ADGRD1: variants seen among roughly 807,000 people sequenced by gnomAD.
The protein encoded by ADGRD1 is adhesion G protein-coupled receptor D1.
ADGRD1 carries 77 observed loss-of-function variants against 113.4 expected under a neutral mutation model. The ratio of observed to expected loss-of-function variants is 0.68; its 90% confidence interval spans 0.57 to 0.82. The LOEUF (loss-of-function observed/expected upper bound fraction) is 0.82, where lower values mean the gene tolerates loss of function less well. Ranked by LOEUF, ADGRD1 falls within the 40% of genes least tolerant of loss-of-function variation. The pLI is 0.00. For missense variants in ADGRD1, 1,036 were observed against 1,139.1 expected (o/e 0.91, Z 1.30); for synonymous variants, 474 against 475.0 (o/e 1.00, Z 0.03).
At chr12:131,109,074 C>T (rs1463529361) in intron 18 of ADGRD1, among the ~76,000 whole-genome samples, 197 bp downstream of exon 18, 1 of 152,152 alleles carries the variant, frequency 6.6e-6, no homozygotes, top group African/African-American at 2.4e-5. Flanking sequence ...TATTATCCTT[C>T]TTGGTGCCTC....
chr12:131,054,677 C>A (rs529410527), intron 13 of ADGRD1, among the ~76,000 whole-genome samples: 3 of 152,188 alleles, frequency 2.0e-5, no homozygotes, highest in Admixed American at 1.3e-4. Context: ...GCTGAGAACT[C>A]GAGGGGCCCT....
chr12:131,081,007 T>A (rs1261168164), intron 14 of ADGRD1, among the ~76,000 whole-genome samples: 1 of 152,242 alleles, frequency 6.6e-6, no homozygotes, highest in African/African-American at 2.4e-5. Context: ...CTTGGAAGAT[T>A]AGCCCTTTTA....
In ADGRD1 at chr12:130,971,887, C is replaced by A. The variant is rs11061268; in HGVS notation, c.310+307C>A. On this transcript the variant is annotated intron_variant, in intron 4 of 24. Coordinates refer to ENST00000261654, the MANE Select transcript of ADGRD1 (RefSeq NM_198827.5). The surrounding 1 kb of genome is among the most constrained non-coding windows in gnomAD (Gnocchi z 4.2). ...AGACACAGCGATGTCACAGTGGGGA[C>A]TGGACAGGGCCGTGGCGTTTGTGGG... 1.3e-5 allele frequency among the ~76,000 whole-genome samples: 2 copies of A among 152,072 alleles called. No individual in the cohort carries two copies. Among genetic ancestry groups the A allele is most frequent in the South Asian group, 4.1e-4 (2 of 4,822 alleles).
rs540562495 is a variant in ADGRD1 at position 131,138,085 on chromosome 12, C to T, written c.2437-52C>T. The T allele has an allele frequency of 2.5e-4, 360 of 1,451,732 alleles. 1 individual carries two copies. The African/African-American group carries it at 3.3e-3, about 13-fold the overall frequency. The allele number at this position is 1,451,732 out of a possible 1,614,324, so 89.9% of individuals were successfully genotyped here. A position where few individuals can be genotyped will look rare whatever the true frequency, so the allele number is the denominator to read the frequency against. On this transcript the variant is annotated intron_variant, in intron 23 of 24. Transcript: ENST00000261654. Reference sequence around the variant, plus strand: ...GCACCGGCACAGACTCCTCTGGTTACGGCTGTTGCAGCCTCTGAAATTGCT... The same window carrying T: ...GCACCGGCACAGACTCCTCTGGTTATGGCTGTTGCAGCCTCTGAAATTGCT...
rs185247763 is a variant in ADGRD1 at position 131,096,657 on chromosome 12, T to C, written c.1672-8174T>C. Among the ~76,000 whole-genome samples the C allele has an allele frequency of 1.3e-3, 202 of 152,020 alleles. No homozygotes were observed. The highest frequency in any genetic ancestry group is 4.8e-3 in the African/African-American group (198 of 41,474). On this transcript the variant is annotated intron_variant, in intron 15 of 24. Coordinates refer to ENST00000261654, the MANE Select transcript of ADGRD1 (RefSeq NM_198827.5). This position sits in a 1 kb window ranked among gnomAD's most constrained non-coding sequence, Gnocchi z 5.2. ...TACATCCCGCCTCCATCTGTGAGGA[T>C]GGGTTCCCGTGGGGCACTGCCGGTC...
At chr12:131,132,446 A>T (rs1257379164) in intron 21 of ADGRD1, among the ~76,000 whole-genome samples, 1 of 152,216 alleles carries the variant, frequency 6.6e-6, no homozygotes, top group Non-Finnish European at 1.5e-5. Flanking sequence ...CCTAAGCAGA[A>T]GGGGGACTCA....
intron 21 of ADGRD1, among the ~76,000 whole-genome samples, chr12:131,133,702 G>A (rs1400281791): frequency 2.0e-5 from 3 of 152,208 alleles, no homozygotes; most frequent in Non-Finnish European, 4.4e-5. Flanking sequence ...GGGCGGCCAG[G>A]TCTGCCCCTC....
At chr12:131,021,555 A>G (rs1015842382) in intron 13 of ADGRD1, among the ~76,000 whole-genome samples, 2 of 152,062 alleles carry the variant, frequency 1.3e-5, no homozygotes, top group African/African-American at 4.8e-5. Flanking sequence ...AGCGAGAGAC[A>G]TTTATTTTCT....
At chr12:131,095,659 C>T (rs1241686113) in intron 15 of ADGRD1, among the ~76,000 whole-genome samples, 2 of 152,272 alleles carry the variant, frequency 1.3e-5, no homozygotes, top group Admixed American at 6.5e-5. Flanking sequence ...GGGATCGGGT[C>T]GCTTTGCGGG....
chr12:130,954,739 C>A lies in ADGRD1; in HGVS notation c.103+79C>A. 3 of 1,370,682 alleles carry A rather than the reference C, an allele frequency of 2.2e-6. No homozygotes were observed. The highest frequency in any genetic ancestry group is 2.3e-5 in the South Asian group (2 of 85,726). The allele number at this position is 1,370,682 out of a possible 1,614,324, so 84.9% of individuals were successfully genotyped here. A position where few individuals can be genotyped will look rare whatever the true frequency, so the allele number is the denominator to read the frequency against. On this transcript the variant is annotated intron_variant, in intron 2 of 24. Coordinates refer to ENST00000261654, the MANE Select transcript of ADGRD1 (RefSeq NM_198827.5). This position sits in a 1 kb window ranked among gnomAD's most constrained non-coding sequence, Gnocchi z 4.7. ...GTATCTCAGGAACAGCCCACTTGTTCATCTCTGAGGCATCAGCGAATGGCC... is the reference window on the plus strand; with the variant it reads ...GTATCTCAGGAACAGCCCACTTGTTAATCTCTGAGGCATCAGCGAATGGCC...
intron 13 of ADGRD1, among the ~76,000 whole-genome samples, chr12:131,049,273 C>G (rs1883146710): frequency 6.6e-6 from 1 of 152,220 alleles, no homozygotes; most frequent in South Asian, 2.1e-4. Flanking sequence ...ATGGTGGGAC[C>G]TGGCCTTGGG....
chr12:131,081,354 A>G (rs11061316), intron 14 of ADGRD1, among the ~76,000 whole-genome samples: 43,732 of 152,108 alleles, frequency 0.29, 6,957 homozygotes, highest in South Asian at 0.48. Context: ...TCTTTTTAAA[A>G]TGTTGTCTTT....
chr12:131,036,277 G>A (rs1312489262), intron 13 of ADGRD1, among the ~76,000 whole-genome samples: 1 of 151,494 alleles, frequency 6.6e-6, no homozygotes, highest in Non-Finnish European at 1.5e-5. Flanking sequence ...ACTGCACTGG[G>A]TCTCACTCAC....
intron 13 of ADGRD1, among the ~76,000 whole-genome samples, chr12:131,037,413 T>C (rs1175102757): frequency 7.2e-6 from 1 of 138,634 alleles, no homozygotes; most frequent in Non-Finnish European, 1.5e-5. Flanking sequence ...TCTCAGTCAC[T>C]GCACTGGGTC....
At chr12:131,063,936 T>G (rs113721938) in intron 13 of ADGRD1, among the ~76,000 whole-genome samples, 36 of 152,224 alleles carry the variant, frequency 2.4e-4, no homozygotes, top group African/African-American at 7.5e-4. Flanking sequence ...ATCTCTCCAT[T>G]TATTTAAAAT....
In ADGRD1 at chr12:130,973,827, C is replaced by T. The variant is rs182027057; in HGVS notation, c.310+2247C>T. On this transcript the variant is annotated intron_variant, in intron 4 of 24. Transcript: ENST00000261654. The stretch of plus-strand genomic sequence containing the variant: ...TAAACCGGGGGTGCGGTGGCTCACA[C>T]CTGTAATCCCAGTGTTTTGGGAGGC... 2.0e-3 allele frequency among the ~76,000 whole-genome samples: 309 copies of T among 152,294 alleles called. 2 individuals carry two copies. Among genetic ancestry groups the T allele is most frequent in the African/African-American group, 6.8e-3 (283 of 41,554 alleles).
chr12:131,084,401 G>A lies in ADGRD1; in HGVS notation c.1548-139G>A. ...CTCCCAACCCCCACACCACGGTCTG[G>A]GTGTGCATTCCTGGCGTGGCAGGTG... is the stretch of plus-strand genomic sequence containing the variant. On this transcript the variant is annotated intron_variant, in intron 14 of 24. Transcript: ENST00000261654. This position sits in a 1 kb window ranked among gnomAD's most constrained non-coding sequence, Gnocchi z 4.5. The A allele has an allele frequency of 2.4e-6, 2 of 830,342 alleles. No homozygotes were observed. The highest frequency in any genetic ancestry group is 5.1e-5 in the East Asian group (2 of 39,494). The allele number at this position is 830,342 out of a possible 1,614,324, so 51.4% of individuals were successfully genotyped here. A position where few individuals can be genotyped will look rare whatever the true frequency, so the allele number is the denominator to read the frequency against.
chr12:131,123,754 G>A (rs568283467), intron 20 of ADGRD1, among the ~76,000 whole-genome samples: 33 of 151,914 alleles, frequency 2.2e-4, no homozygotes, highest in East Asian at 2.0e-4. Context: ...CCCGGGAGGC[G>A]GGTCTTGCAG....
intron 13 of ADGRD1, among the ~76,000 whole-genome samples, chr12:131,063,473 T>C (rs1170398547): frequency 1.3e-5 from 2 of 152,236 alleles, no homozygotes; most frequent in African/African-American, 4.8e-5. Context: ...TTGAATTAAT[T>C]TTTTTGTATG....
Sources: gnomAD v4.1 joint callset for allele counts (sites outside exome capture counted in the v4.1 genomes callset) on GRCh38, gnomAD v4.1.1 for gene constraint, Gnocchi (gnomAD v3.1) non-coding constraint, MANE v1.5 for transcripts, NCBI Gene and HGNC (gene_info 2026-07-23, HGNC 2026-07-21) for gene names.